The following BTRC variants were observed in gnomAD, a reference collection of about 807,000 sequenced individuals.
BTRC encodes the protein F-box/WD repeat-containing protein 1A.
In BTRC, 42 loss-of-function variants were observed where a neutral mutation model predicts 85.5. The ratio of observed to expected loss-of-function variants is 0.49; its 90% CI spans 0.38 to 0.64. BTRC has a LOEUF of 0.64. Ranked by LOEUF, BTRC falls within the 30% of genes least tolerant of loss-of-function variation. The pLI is 0.00. For missense variants in BTRC, 594 were observed against 743.5 expected, an observed-to-expected ratio of 0.80 and a Z score of 2.34; for synonymous variants, 255 against 263.3, an observed-to-expected ratio of 0.97 and a Z score of 0.30.
At chr10:101,468,463 T>C (rs532191590) in intron 3 of BTRC, among the ~76,000 whole-genome samples, 1 of 152,216 alleles carries the variant, frequency 6.6e-6, no homozygotes, top group Non-Finnish European at 1.5e-5. Context: ...AAATCTGCCC[T>C]AAAAACAACA....
Position 101,479,419 on chromosome 10 carries a change from G to C in BTRC, c.286G>C (p.Ala96Pro). ...LCLNQETVCL[A>P]STAMKTENCV... ...CTTAAACCAAGAAACAGTATGTTTA[G>C]CAAGCACTGCTATGAAGACTGAGAA... The change falls in exon 4 of 15, where the codon GCA (alanine) becomes CCA (proline). Residue 96 changes from alanine to proline, a missense_variant. This residue lies in a region of BTRC where 163 missense variants were observed against 180.5 expected (regional missense o/e 0.90). Transcript: ENST00000370187. 1 of 1,613,418 alleles carries C rather than the reference G, an allele frequency of 6.2e-7. No individual in the cohort carries two copies. Among genetic ancestry groups the C allele is most frequent in the Non-Finnish European group, 8.5e-7 (1 of 1,179,552 alleles).
chr10:101,389,491 T>C (rs12184346), intron 1 of BTRC, among the ~76,000 whole-genome samples: 2 of 152,164 alleles, frequency 1.3e-5, no homozygotes, highest in Admixed American at 6.6e-5. Flanking sequence ...CTATGCATGG[T>C]AAACTTTGTT....
chr10:101,370,013 C>T (rs998202150), intron 1 of BTRC, among the ~76,000 whole-genome samples: 6 of 152,196 alleles, frequency 3.9e-5, no homozygotes, highest in Admixed American at 1.3e-4. Flanking sequence ...CACCCTTGTC[C>T]GATACCTGTG....
chr10:101,373,291 C>G (rs1031034832), intron 1 of BTRC, among the ~76,000 whole-genome samples: 3 of 152,072 alleles, frequency 2.0e-5, no homozygotes, highest in African/African-American at 7.2e-5. Context: ...GTGGATTAGA[C>G]TAGGGAGGGG....
At chr10:101,483,361 G>GA (rs1485219904) in intron 4 of BTRC, among the ~76,000 whole-genome samples, 2 of 152,198 alleles carry the variant, frequency 1.3e-5, no homozygotes, top group African/African-American at 4.8e-5. Context: ...TTGGGAGGCC[G>GA]AGACGGGTGG....
At chr10:101,438,399 T>A (rs558797730) in intron 2 of BTRC, among the ~76,000 whole-genome samples, 1 of 110,032 alleles carries the variant, frequency 9.1e-6, no homozygotes, top group African/African-American at 3.6e-5. Flanking sequence ...CACTCCAGCC[T>A]GGGCGACAGA....
At chr10:101,446,142 A>T (rs1338593200) in intron 2 of BTRC, among the ~76,000 whole-genome samples, 1 of 114,926 alleles carries the variant, frequency 8.7e-6, no homozygotes, top group Non-Finnish European at 1.6e-5. Flanking sequence ...TCAGAAGTTA[A>T]CTAAAACAGA....
chr10:101,552,019 C>G (rs998750345), intron 14 of BTRC, among the ~76,000 whole-genome samples: 1 of 152,096 alleles, frequency 6.6e-6, no homozygotes, highest in Non-Finnish European at 1.5e-5. Flanking sequence ...ATACCTACCC[C>G]CTCCTTTGCC....
In BTRC at chr10:101,393,673, T is replaced by A. The variant is rs564812907; in HGVS notation, c.49-36672T>A. Reference sequence around the variant, plus strand: ...CCCACATTTGGTCACAGAGAAGTCTTCTGTGTTGATGATTATTGTAGTATG... The same window carrying A: ...CCCACATTTGGTCACAGAGAAGTCTACTGTGTTGATGATTATTGTAGTATG... On this transcript the variant is annotated intron_variant, in intron 1 of 14. Coordinates refer to ENST00000370187, the MANE Select transcript of BTRC (RefSeq NM_033637.4). Among the ~76,000 whole-genome samples, 3 of 152,240 alleles carry A rather than the reference T, an allele frequency of 2.0e-5. No homozygotes were observed. The East Asian group carries it at 5.8e-4, about 29-fold the overall frequency.
intron 1 of BTRC, among the ~76,000 whole-genome samples, chr10:101,356,998 G>A (rs1253674693): frequency 2.0e-5 from 3 of 151,804 alleles, no homozygotes; most frequent in Non-Finnish European, 2.9e-5. Context: ...GTGTGGCAGC[G>A]TGCGCCTGTA....
chr10:101,531,801 A>G (rs981912936), intron 7 of BTRC, among the ~76,000 whole-genome samples: 1 of 152,268 alleles, frequency 6.6e-6, no homozygotes, highest in African/African-American at 2.4e-5. Flanking sequence ...AAAATTTTAA[A>G]GCTTTAAAAA....
At chr10:101,354,277 G>A in intron 1 of BTRC, 49 bp downstream of exon 1, 3 of 1,544,276 alleles carry the variant, frequency 1.9e-6, no homozygotes, top group Non-Finnish European at 1.7e-6. Context: ...TGGCGTTGGC[G>A]GCGTCGCTGG....
chr10:101,521,670 T>A lies in BTRC; in HGVS notation c.356T>A (p.Ile119Asn). 1 of 1,614,146 alleles carries A rather than the reference T, an allele frequency of 6.2e-7. No homozygotes were observed. The highest frequency in any genetic ancestry group is 1.1e-5 in the South Asian group (1 of 91,070). The change falls in exon 5 of 15, where the codon ATT becomes AAT. Residue 119 changes from isoleucine to asparagine, a missense_variant. Transcript: ENST00000370187. ...TKLANGTSSM[I>N]VPKQRKLSAS... ...CTTGCCAATGGCACTTCCAGTATGA[T>A]TGTGCCCAAGCAACGGAAACTCTCA...
At chr10:101,529,642 C>T (rs911188412) in intron 6 of BTRC, among the ~76,000 whole-genome samples, 1 of 152,128 alleles carries the variant, frequency 6.6e-6, no homozygotes, top group Admixed American at 6.5e-5. Flanking sequence ...CATTAATCCC[C>T]CTTTTTATAA....
At chr10:101,467,466 T>C (rs934464623) in intron 3 of BTRC, among the ~76,000 whole-genome samples, 4 of 152,120 alleles carry the variant, frequency 2.6e-5, no homozygotes, top group African/African-American at 4.8e-5. Flanking sequence ...TGCCGTTGCT[T>C]TGTGTTAAGA....
intron 3 of BTRC, among the ~76,000 whole-genome samples, chr10:101,475,004 T>TA (rs1393217412): frequency 6.6e-6 from 1 of 152,238 alleles, no homozygotes; most frequent in Non-Finnish European, 1.5e-5. Context: ...AATTTATCTT[T>TA]AAAACATAGT....
At chr10:101,440,734 AAAAG>A (rs948986362) in intron 2 of BTRC, among the ~76,000 whole-genome samples, 101 of 152,050 alleles carry the variant, frequency 6.6e-4, no homozygotes, top group African/African-American at 2.3e-3. Flanking sequence ...AAAAGAAAAA[AAAAG>A]GCAACTATTT....
At chr10:101,374,397 G>A (rs1942728891) in intron 1 of BTRC, among the ~76,000 whole-genome samples, 1 of 151,574 alleles carries the variant, frequency 6.6e-6, no homozygotes, top group Middle Eastern at 3.2e-3. Context: ...GTCCAACAAC[G>A]ATAGACTGGA....
In BTRC at chr10:101,527,971, C is replaced by T. The variant is rs2134396200; in HGVS notation, c.743+1772C>T. 2.0e-5 allele frequency among the ~76,000 whole-genome samples: 3 copies of T among 152,188 alleles called. 1 individual carries two copies. The South Asian group carries it at 6.2e-4, about 32-fold the overall frequency. ...AATAAAAATGGAGTTATATGGTATT[C>T]GGGGTCCATCATTTTGCTAAGAGTG... is the stretch of plus-strand genomic sequence containing the variant. On this transcript the variant is annotated intron_variant, in intron 6 of 14. Coordinates refer to ENST00000370187, the MANE Select transcript of BTRC (RefSeq NM_033637.4).
Sources: allele counts gnomAD v4.1 joint callset (sites outside exome capture counted in the v4.1 genomes callset), GRCh38; gene constraint gnomAD v4.1.1; regional missense constraint gnomAD v4.1.1; transcripts MANE v1.5; gene names NCBI Gene and HGNC (gene_info 2026-07-23, HGNC 2026-07-21).